The following DDI2 variants were observed in gnomAD, a reference collection of about 807,000 sequenced individuals.
DDI2 encodes DDI proteasomal shuttling factor 2, also known as protein DDI1 homolog 2.
Under a neutral mutation model 48.1 loss-of-function variants are expected in DDI2, and 5 were observed. The observed-to-expected ratio is 0.10, with a 90% CI of 0.05 to 0.22. The LOEUF is 0.22. DDI2 is among the 10% of genes least tolerant of loss of function. The pLI is 1.00. For synonymous variants in DDI2, 205 were observed against 183.6 expected (o/e 1.12, Z -0.94); for missense variants, 285 against 506.2 (o/e 0.56, Z 4.19).
chr1:15,656,362 G>A (rs983817466), intron 8 of DDI2: 3 of 1,326,272 alleles, frequency 2.3e-6, no homozygotes, highest in African/African-American at 3.0e-5. Flanking sequence ...AATTCTCTAT[G>A]TGTAGAAACA....
intron 2 of DDI2, 66 bp from the exon 3 acceptor site, chr1:15,630,259 C>G: frequency 6.8e-7 from 1 of 1,464,394 alleles, no homozygotes; most frequent in Non-Finnish European, 9.5e-7. Flanking sequence ...AAGTGTTCTG[C>G]TGTTTCCTTC....
chr1:15,617,918 G>C, intron 1 of DDI2, 110 bp downstream of exon 1: 1 of 1,359,680 alleles, frequency 7.4e-7, no homozygotes. Flanking sequence ...GGGGAGCAAG[G>C]ATAGCCATTC....
chr1:15,638,193 C>T, intron 4 of DDI2, 114 bp from the exon 5 acceptor site: 1 of 1,479,206 alleles, frequency 6.8e-7, no homozygotes, highest in Admixed American at 2.0e-5. Flanking sequence ...GACTCGGCTG[C>T]TGTGCTTGGG....
intron 4 of DDI2, among the ~76,000 whole-genome samples, chr1:15,634,951 T>C (rs1639905123): frequency 6.6e-6 from 1 of 152,144 alleles, no homozygotes; most frequent in African/African-American, 2.4e-5. Context: ...CTTACTACAT[T>C]TGAAATCAGA....
At chr1:15,644,373 A>C (rs149967921) in intron 6 of DDI2, among the ~76,000 whole-genome samples, 343 of 152,210 alleles carry the variant, frequency 2.3e-3, no homozygotes, top group African/African-American at 7.9e-3. Context: ...CTTTCTTAGA[A>C]GAGGTGCATG....
intron 7 of DDI2, 52 bp downstream of exon 7, chr1:15,649,875 C>G: frequency 6.6e-7 from 1 of 1,509,616 alleles, no homozygotes; most frequent in East Asian, 2.3e-5. Context: ...GTAATATGGT[C>G]ATTATCACAT....
chr1:15,644,476 A>C (rs975168454), intron 6 of DDI2, among the ~76,000 whole-genome samples: 3 of 151,320 alleles, frequency 2.0e-5, no homozygotes, highest in Non-Finnish European at 2.9e-5. Flanking sequence ...CACAATTTCG[A>C]GGCATTGCCC....
rs371155264 is a variant in DDI2, at chr1:15,652,553, G to T, written c.1183+658G>T. 1.5e-4 allele frequency among the ~76,000 whole-genome samples: 23 copies of T among 149,666 alleles called. No individual in the cohort carries two copies. The East Asian group carries it at 4.7e-3, about 31-fold the overall frequency. On this transcript the variant is annotated intron_variant, in intron 8 of 9. Transcript: ENST00000480945. ...AAAATATAAAAATTGGCCAGGCGCG[G>T]TGGCTCACGCCTGTAATCCCAGCAC...
At chr1:15,628,244 T>C (rs917826445) in intron 2 of DDI2, among the ~76,000 whole-genome samples, 7 of 152,142 alleles carry the variant, frequency 4.6e-5, no homozygotes, top group Non-Finnish European at 8.8e-5. Context: ...GGCCCACCCA[T>C]ATATGTTTTT....
At chr1:15,628,517 C>G (rs1264380320) in intron 2 of DDI2, among the ~76,000 whole-genome samples, 2 of 152,162 alleles carry the variant, frequency 1.3e-5, no homozygotes, top group African/African-American at 2.4e-5. Context: ...TAATTCTGAT[C>G]ACTGTGGAAT....
Position 15,630,232 on chromosome 1 carries a change from A to G in DDI2, c.269-93A>G, listed in dbSNP as rs2103464884. The G allele has an allele frequency of 3.5e-6, 4 of 1,144,240 alleles. No homozygotes were observed. The East Asian group carries it at 9.4e-5, about 27-fold the overall frequency. 70.9% of individuals were successfully genotyped at this position (1,144,240 alleles called of 1,614,324 possible). A position where few individuals can be genotyped will look rare whatever the true frequency, so the allele number is the denominator to read the frequency against. On this transcript the variant is annotated intron_variant, in intron 2 of 9. Coordinates refer to ENST00000480945, the MANE Select transcript of DDI2 (RefSeq NM_032341.5). ...GTCTACAGTTACCTTTGCTGCTGTCATATACCATGTATGAGCAAGTGTTCT... is the reference window on the plus strand; with the variant it reads ...GTCTACAGTTACCTTTGCTGCTGTCGTATACCATGTATGAGCAAGTGTTCT...
At chr1:15,648,859 T>C (rs943025975) in intron 6 of DDI2, among the ~76,000 whole-genome samples, 2 of 123,542 alleles carry the variant, frequency 1.6e-5, no homozygotes, top group Non-Finnish European at 3.4e-5. Flanking sequence ...AAAACAACCC[T>C]AAAACCTAGA....
At chr1:15,651,456 T>C (rs535688068) in intron 7 of DDI2, among the ~76,000 whole-genome samples, 5 of 152,080 alleles carry the variant, frequency 3.3e-5, no homozygotes, top group Non-Finnish European at 7.4e-5. Context: ...GTAGCTGCGA[T>C]TATGGGCATG....
At position 15,660,891 on chromosome 1, in the gene DDI2, T is replaced by C. The variant is rs1327876722; in HGVS notation, c.*1101T>C. On this transcript the variant is annotated 3_prime_UTR_variant, in exon 10 of 10. Transcript: ENST00000480945. Reference sequence around the variant, plus strand: ...GTCTCTGTGGCAGTTGTCAGCCTTCTGTGGAGTCAGCAGAAGAATCTTGCC... The same window carrying C: ...GTCTCTGTGGCAGTTGTCAGCCTTCCGTGGAGTCAGCAGAAGAATCTTGCC... 3 of 1,614,122 alleles carry C rather than the reference T, an allele frequency of 1.9e-6. No individual in the cohort carries two copies. The highest frequency in any genetic ancestry group is 3.3e-5 in the Admixed American group (2 of 60,016).
At position 15,617,781 on chromosome 1, in the gene DDI2, G is replaced by A. The variant is rs767878134; in HGVS notation, c.111G>A (p.Glu37=). The stretch of plus-strand genomic sequence containing the variant: ...ACTTCCGCGCGCTGTGCGAGCTCGA[G>A]TCTGGCATCCCCGCAGCCGAGAGCC... ...LHNFRALCEL[E]SGIPAAESQI... Residue 37 remains glutamate (E), a synonymous_variant, in exon 1 of 10, where the codon GAG becomes GAA. Transcript: ENST00000480945. 6 of 1,606,468 alleles carry A rather than the reference G, an allele frequency of 3.7e-6. No individual in the cohort carries two copies. Among genetic ancestry groups the A allele is most frequent in the South Asian group, 1.1e-5 (1 of 90,572 alleles).
At position 15,662,463 on chromosome 1, in the gene DDI2, T is replaced by C. The variant is rs922840854; in HGVS notation, c.*2673T>C. 1 of 152,160 alleles carries C rather than the reference T, an allele frequency of 6.6e-6. No homozygotes were observed. The highest frequency in any genetic ancestry group is 2.1e-4 in the South Asian group (1 of 4,826). The allele number at this position is 152,160 out of a possible 1,614,324, so 9.4% of individuals were successfully genotyped here. A position where few individuals can be genotyped will look rare whatever the true frequency, so the allele number is the denominator to read the frequency against. On this transcript the variant is annotated 3_prime_UTR_variant, in exon 10 of 10. Transcript: ENST00000480945. ...GGGGAGTTACAATGCAAGTGAAACGTGGTGCTACCCAGATTCTTAAAAGAA... is the reference window on the plus strand; with the variant it reads ...GGGGAGTTACAATGCAAGTGAAACGCGGTGCTACCCAGATTCTTAAAAGAA...
chr1:15,642,610 G>A (rs1640028012), intron 5 of DDI2, among the ~76,000 whole-genome samples: 1 of 152,028 alleles, frequency 6.6e-6, no homozygotes, highest in Admixed American at 6.6e-5. Context: ...ACTACACCCA[G>A]CCCAAAATTT....
chr1:15,624,275 C>T (rs953689881), intron 1 of DDI2, among the ~76,000 whole-genome samples: 14 of 152,226 alleles, frequency 9.2e-5, no homozygotes, highest in Non-Finnish European at 1.3e-4. Flanking sequence ...CAACCTGTGA[C>T]GCTCATCACT....
intron 1 of DDI2, among the ~76,000 whole-genome samples, chr1:15,625,612 T>A (rs1333346846): frequency 6.6e-6 from 1 of 152,162 alleles, no homozygotes; most frequent in Non-Finnish European, 1.5e-5. Flanking sequence ...TTCACTTTAT[T>A]TTCCAGTCTC....
Sources: allele counts gnomAD v4.1 joint callset (sites outside exome capture counted in the v4.1 genomes callset), GRCh38; gene constraint gnomAD v4.1.1; transcripts MANE v1.5; gene names NCBI Gene and HGNC (gene_info 2026-07-23, HGNC 2026-07-21).